The following SLC10A7 variants were observed in gnomAD, a reference collection of about 807,000 sequenced individuals.
SLC10A7 encodes sodium/bile acid cotransporter 7.
SLC10A7 carries 29 observed loss-of-function variants against 43.2 expected under a neutral mutation model. The ratio of observed to expected loss-of-function variants is 0.67; its 90% CI spans 0.50 to 0.92. The LOEUF (loss-of-function observed/expected upper bound fraction) is 0.92. Ranked by LOEUF, SLC10A7 falls within the 40% of genes least tolerant of loss-of-function variation. The pLI is 0.00. For missense variants in SLC10A7, 295 were observed against 403.2 expected (o/e 0.73, Z 2.30); for synonymous variants, 152 against 144.8 (o/e 1.05, Z -0.35).
At chr4:146,448,762 C>T (rs1190871822) in intron 4 of SLC10A7, among the ~76,000 whole-genome samples, 4 of 151,864 alleles carry the variant, frequency 2.6e-5, no homozygotes, top group East Asian at 3.9e-4. Flanking sequence ...AGGAGAATAC[C>T]CTTAGGAGAA....
intron 4 of SLC10A7, among the ~76,000 whole-genome samples, chr4:146,457,644 C>G (rs1732179579): frequency 6.6e-6 from 1 of 151,894 alleles, no homozygotes; most frequent in South Asian, 2.1e-4. Flanking sequence ...TTTCTAATGT[C>G]AGGAATGAAA....
chr4:146,361,099 C>T (rs1736019194), intron 5 of SLC10A7, among the ~76,000 whole-genome samples: 1 of 152,034 alleles, frequency 6.6e-6, no homozygotes, highest in African/African-American at 2.4e-5. Flanking sequence ...CCCATAGTTC[C>T]CTATCTTCTC....
intron 5 of SLC10A7, among the ~76,000 whole-genome samples, chr4:146,368,973 C>T (rs952072393): frequency 6.6e-6 from 1 of 152,128 alleles, no homozygotes; most frequent in African/African-American, 2.4e-5. Context: ...AGCTACCCAG[C>T]CTGTATTAAT....
rs572809775 is a variant in SLC10A7, at chr4:146,488,425, A to G, written c.396+15424T>C. Among the ~76,000 whole-genome samples, 11 of 152,292 alleles carry G rather than the reference A, an allele frequency of 7.2e-5. No homozygotes were observed. The South Asian group carries it at 2.3e-3, about 32-fold the overall frequency. The stretch of plus-strand genomic sequence containing the variant: ...TATTGAGCATCTCCTAATGTCTTCT[A>G]ATGTGCAAATCATTTTTCCCACATG... On this transcript the variant is annotated intron_variant, in intron 4 of 11. Transcript: ENST00000335472.
intron 5 of SLC10A7, among the ~76,000 whole-genome samples, chr4:146,420,059 G>T (rs1728844724): frequency 6.6e-6 from 1 of 152,104 alleles, no homozygotes; most frequent in South Asian, 2.1e-4. Flanking sequence ...AGAATTGAAG[G>T]CTGGGACACA....
chr4:146,466,025 AG>A (rs1732995568), intron 4 of SLC10A7, among the ~76,000 whole-genome samples: 2 of 152,278 alleles, frequency 1.3e-5, no homozygotes, highest in South Asian at 4.1e-4. Context: ...TAAAGTTGAA[AG>A]AAGTTTATGT....
chr4:146,259,845 G>A (rs1056593840), intron 10 of SLC10A7, among the ~76,000 whole-genome samples: 1 of 152,194 alleles, frequency 6.6e-6, no homozygotes, highest in Non-Finnish European at 1.5e-5. Flanking sequence ...GTATGTATCA[G>A]CTTCTTCAAC....
At chr4:146,413,959 A>T (rs572260945) in intron 5 of SLC10A7, among the ~76,000 whole-genome samples, 8 of 152,320 alleles carry the variant, frequency 5.3e-5, no homozygotes, top group African/African-American at 1.9e-4. Flanking sequence ...GATATGATCC[A>T]AGGGAACTTT....
At chr4:146,263,090 A>C (rs914839449) in intron 10 of SLC10A7, among the ~76,000 whole-genome samples, 1 of 152,172 alleles carries the variant, frequency 6.6e-6, no homozygotes, top group Non-Finnish European at 1.5e-5. Context: ...TAGGCTTTGC[A>C]CCTGAGCTCT....
At chr4:146,387,140 G>T (rs1041948089) in intron 5 of SLC10A7, among the ~76,000 whole-genome samples, 2 of 152,156 alleles carry the variant, frequency 1.3e-5, no homozygotes, top group African/African-American at 4.8e-5. Context: ...CAAAGGTGGA[G>T]CCCTCATGAT....
chr4:146,507,757 A>G (rs1017171516), intron 3 of SLC10A7, among the ~76,000 whole-genome samples: 1 of 152,160 alleles, frequency 6.6e-6, no homozygotes, highest in Non-Finnish European at 1.5e-5. Context: ...TGCTCAGAAC[A>G]TCTTTATTTC....
chr4:146,439,575 A>C (rs1281667925), intron 5 of SLC10A7, among the ~76,000 whole-genome samples: 2 of 152,114 alleles, frequency 1.3e-5, no homozygotes, highest in Non-Finnish European at 2.9e-5. Context: ...ATCCATAGTC[A>C]CACCCACAAA....
chr4:146,517,308 C>G (rs1738107439), intron 1 of SLC10A7, among the ~76,000 whole-genome samples, 188 bp from the exon 2 acceptor site: 1 of 151,896 alleles, frequency 6.6e-6, no homozygotes, highest in South Asian at 2.1e-4. Flanking sequence ...ACTAAAAATA[C>G]AAAAATTAGC....
At chr4:146,325,225 T>C (rs900862794) in intron 6 of SLC10A7, among the ~76,000 whole-genome samples, 2 of 152,242 alleles carry the variant, frequency 1.3e-5, no homozygotes, top group African/African-American at 4.8e-5. Context: ...GATGTGTGTA[T>C]GAAAAGATGC....
chr4:146,521,587 G>T (rs776433089), intron 1 of SLC10A7, 31 bp downstream of exon 1: 27 of 1,573,564 alleles, frequency 1.7e-5, no homozygotes, highest in Non-Finnish European at 2.3e-5. Context: ...AGTGGGAGCC[G>T]CGGTGGAGCC....
At position 146,278,642 on chromosome 4, in the gene SLC10A7, A is replaced by G. The variant is rs537802223; in HGVS notation, c.847+4550T>C. Among the ~76,000 whole-genome samples the G allele has an allele frequency of 2.0e-5, 3 of 152,292 alleles. No homozygotes were observed. The South Asian group carries it at 6.2e-4, about 32-fold the overall frequency. ...TATTTATATAACTATTCCTTTCAAG[A>G]ACTTATTTCCTTTGCGCACATAATA... On this transcript the variant is annotated intron_variant, in intron 10 of 11. Coordinates refer to ENST00000335472, the MANE Select transcript of SLC10A7 (RefSeq NM_001029998.6).
chr4:146,467,454 A>AACACAC (rs35773390), intron 4 of SLC10A7, among the ~76,000 whole-genome samples: 1,420 of 140,790 alleles, frequency 0.01, 14 homozygotes, highest in African/African-American at 0.022. Flanking sequence ...AGCAGGTTTA[A>AACACAC]ACACACACAC....
intron 3 of SLC10A7, 106 bp downstream of exon 3, chr4:146,509,807 T>C (rs1579376438): frequency 1.0e-6 from 1 of 997,396 alleles, no homozygotes; most frequent in East Asian, 2.7e-5. Context: ...TACTTCCTTT[T>C]AAGATGGTAC....
intron 2 of SLC10A7, chr4:146,513,772 G>GGTA (rs1370391541): frequency 1.3e-5 from 2 of 152,056 alleles, no homozygotes; most frequent in African/African-American, 4.8e-5. Context: ...GATAAAACAA[G>GGTA]GTAATAAAAG....
Sources: gnomAD v4.1 joint callset for allele counts (sites outside exome capture counted in the v4.1 genomes callset) on GRCh38, gnomAD v4.1.1 for gene constraint, MANE v1.5 for transcripts, NCBI Gene and HGNC (gene_info 2026-07-23, HGNC 2026-07-21) for gene names.